The following CPA3 variants were observed in gnomAD, a reference collection of about 807,000 sequenced individuals.
The protein encoded by CPA3 is carboxypeptidase A3, also known as mast cell carboxypeptidase A.
Under a neutral mutation model 55.8 loss-of-function variants are expected in CPA3, and 52 were observed. That is an observed-to-expected ratio of 0.93 (90% CI 0.75 to 1.17). The LOEUF is 1.17. Ranked by LOEUF, CPA3 falls within the 50% of genes most tolerant of loss-of-function variation. The pLI, the probability that CPA3 is intolerant of heterozygous loss-of-function variation, is 0.00. For synonymous variants in CPA3, 179 were observed against 171.2 expected (o/e 1.05, Z -0.36); for missense variants, 547 against 509.1 (o/e 1.07, Z -0.72).
chr3:148,881,286 T>C (rs549800580), intron 6 of CPA3, among the ~76,000 whole-genome samples: 18 of 152,346 alleles, frequency 1.2e-4, no homozygotes, highest in African/African-American at 3.8e-4. Flanking sequence ...TAAGTCTCGA[T>C]AATTAAATGC....
chr3:148,872,998 G>C (rs1311934817), intron 3 of CPA3, among the ~76,000 whole-genome samples: 2 of 151,146 alleles, frequency 1.3e-5, no homozygotes, highest in African/African-American at 4.9e-5. Flanking sequence ...TAAAGTTGCT[G>C]TCTGCCTGGT....
intron 10 of CPA3, among the ~76,000 whole-genome samples, chr3:148,890,307 G>A (rs1474900775): frequency 6.6e-6 from 1 of 152,154 alleles, no homozygotes; most frequent in African/African-American, 2.4e-5. Context: ...AGCAAGAATA[G>A]TTATTTGAGT....
At position 148,897,054 on chromosome 3, in the gene CPA3, T is replaced by C. The variant is rs1415530619; in HGVS notation, c.*347T>C. ...GTGGCTTCATCAATTTATGTGCTAA[T>C]ACAATAAAATAAAATGCACTTAATG... On this transcript the variant is annotated 3_prime_UTR_variant, in exon 11 of 11. Coordinates refer to ENST00000296046, the MANE Select transcript of CPA3 (RefSeq NM_001870.4). 5.8e-6 allele frequency: 1 copy of C among 171,480 alleles called. No homozygotes were observed. Among genetic ancestry groups the C allele is most frequent in the Non-Finnish European group, 1.2e-5 (1 of 80,994 alleles). 10.6% of individuals were successfully genotyped at this position (171,480 alleles called of 1,614,324 possible).
chr3:148,872,120 C>A (rs1714083057), intron 3 of CPA3, among the ~76,000 whole-genome samples: 1 of 152,056 alleles, frequency 6.6e-6, no homozygotes, highest in African/African-American at 2.4e-5. Context: ...AGTTAGTAAG[C>A]CAGATTTTAT....
At chr3:148,889,093 T>C (rs1167258593) in intron 10 of CPA3, among the ~76,000 whole-genome samples, 2 of 152,232 alleles carry the variant, frequency 1.3e-5, no homozygotes, top group East Asian at 3.8e-4. Context: ...TTTAAAGGCA[T>C]TGAGATTTAG....
At chr3:148,875,196 A>G (rs1714173484) in intron 3 of CPA3, among the ~76,000 whole-genome samples, 2 of 152,192 alleles carry the variant, frequency 1.3e-5, no homozygotes, top group Non-Finnish European at 2.9e-5. Context: ...GTGAATGTTA[A>G]AAAATAGACT....
intron 10 of CPA3, among the ~76,000 whole-genome samples, chr3:148,896,073 A>G (rs1714819006): frequency 6.6e-6 from 1 of 152,234 alleles, no homozygotes; most frequent in Non-Finnish European, 1.5e-5. Flanking sequence ...TTGACTATGA[A>G]ATAGTTTACC....
At chr3:148,866,817 G>A (rs1401022425) in intron 2 of CPA3, among the ~76,000 whole-genome samples, 2 of 152,148 alleles carry the variant, frequency 1.3e-5, no homozygotes, top group Non-Finnish European at 2.9e-5. Flanking sequence ...AGGCTGGAGT[G>A]CAGTGGCACA....
chr3:148,867,641 A>T (rs1470688685), intron 2 of CPA3, among the ~76,000 whole-genome samples: 1 of 152,192 alleles, frequency 6.6e-6, no homozygotes, highest in Non-Finnish European at 1.5e-5. Flanking sequence ...CTCATGATGT[A>T]GCTTTTTGAT....
At position 148,883,615 on chromosome 3, in the gene CPA3, A is replaced by T. The variant is rs1443369379; in HGVS notation, c.781A>T (p.Ile261Phe). 9 of 1,613,558 alleles carry T rather than the reference A, an allele frequency of 5.6e-6. No homozygotes were observed. Among genetic ancestry groups the T allele is most frequent in the Non-Finnish European group, 5.9e-6 (7 of 1,179,872 alleles). Residue 261 changes from isoleucine (I) to phenylalanine (F), a missense_variant and splice_region_variant, in exon 9 of 11, where the codon ATT becomes TTT. Transcript: ENST00000296046. ...TCATCCACCTATGTCTTCTGCAGCC[A>T]TTCCTAACACCAATGACCCATGTGC... ...NRNFNASWNS[I>F]PNTNDPCADN...
chr3:148,871,780 T>A (rs1714075505), intron 3 of CPA3, among the ~76,000 whole-genome samples: 1 of 152,210 alleles, frequency 6.6e-6, no homozygotes, highest in South Asian at 2.1e-4. Context: ...GAAAGCCAAA[T>A]AATTAGATAG....
At chr3:148,870,370 T>C (rs1056203369) in intron 3 of CPA3, among the ~76,000 whole-genome samples, 4 of 152,270 alleles carry the variant, frequency 2.6e-5, no homozygotes, top group South Asian at 2.1e-4. Flanking sequence ...TCAGTGATGT[T>C]ATATTGCAGA....
In CPA3 at chr3:148,883,833, T is replaced by G; in HGVS notation, c.981+18T>G. The G allele has an allele frequency of 1.3e-6, 2 of 1,564,770 alleles. No homozygotes were observed. Among genetic ancestry groups the G allele is most frequent in the African/African-American group, 2.7e-5 (2 of 73,938 alleles). On this transcript the variant is annotated intron_variant, in intron 9 of 10. Transcript: ENST00000296046. ...AGGACTTGGTACGTAGACAAAAGTT[T>G]GCACTTCATGCATCGACAATACCAT...
At position 148,878,474 on chromosome 3, in the gene CPA3, G is replaced by A. The variant is rs1452014552; in HGVS notation, c.303G>A (p.Glu101=). The change falls in exon 4 of 11, where the codon GAG becomes GAA. Residue 101 remains glutamate, a synonymous_variant. Coordinates refer to ENST00000296046, the MANE Select transcript of CPA3 (RefSeq NM_001870.4). The part of the protein sequence containing the change: ...ILIHDLQEEI[E]KQFDVKEDIP... ...TTCATGATCTACAAGAAGAGATTGA[G>A]AAACAGTTTGATGTTAAAGAAGATA... 1 of 1,613,026 alleles carries A rather than the reference G, an allele frequency of 6.2e-7. No individual in the cohort carries two copies. Among genetic ancestry groups the A allele is most frequent in the Non-Finnish European group, 8.5e-7 (1 of 1,179,114 alleles).
intron 5 of CPA3, 81 bp downstream of exon 5, chr3:148,878,829 C>A: frequency 1.2e-6 from 1 of 808,358 alleles, no homozygotes; most frequent in South Asian, 1.7e-5. Context: ...CACAACTAAG[C>A]TAATTCTGAG....
intron 2 of CPA3, among the ~76,000 whole-genome samples, chr3:148,866,274 A>C (rs1423734991): frequency 2.0e-5 from 3 of 152,198 alleles, no homozygotes; most frequent in African/African-American, 4.8e-5. Flanking sequence ...CCTCTACATC[A>C]AATCAATCAA....
intron 6 of CPA3, among the ~76,000 whole-genome samples, chr3:148,880,795 T>G (rs910437518): frequency 1.3e-5 from 2 of 152,204 alleles, no homozygotes; most frequent in African/African-American, 4.8e-5. Flanking sequence ...TTTCTGGGCA[T>G]AGATATTTTT....
intron 10 of CPA3, among the ~76,000 whole-genome samples, chr3:148,891,499 CACACACACACACAT>C (rs1190148772): frequency 6.7e-6 from 1 of 149,462 alleles, no homozygotes; most frequent in South Asian, 2.1e-4. Flanking sequence ...CACACACACA[CACACACACACACAT>C]ACACACACAC....
At chr3:148,878,402 AT>A (rs745587427) in intron 3 of CPA3, 38 bp from the exon 4 acceptor site, 7 of 1,372,208 alleles carry the variant, frequency 5.1e-6, no homozygotes, top group Non-Finnish European at 7.3e-6. Context: ...TTCCTTTCTC[AT>A]GATAAAACAT....
Sources: allele counts gnomAD v4.1 joint callset (sites outside exome capture counted in the v4.1 genomes callset), GRCh38; gene constraint gnomAD v4.1.1; transcripts MANE v1.5; gene names NCBI Gene and HGNC (gene_info 2026-07-23, HGNC 2026-07-21).